The following COG6 variants were observed in gnomAD, a reference collection of about 807,000 sequenced individuals.
COG6 encodes the protein component of oligomeric golgi complex 6, also known as conserved oligomeric Golgi complex subunit 6.
COG6 carries 74 observed loss-of-function variants against 88.8 expected under a neutral mutation model. That is an observed-to-expected ratio of 0.83 (90% CI 0.69 to 1.01). The LOEUF (loss-of-function observed/expected upper bound fraction) is 1.01, where lower values mean the gene tolerates loss of function less well. Among genes scored for constraint, COG6 ranks in the 50% least tolerant of loss-of-function variants. The pLI is 0.00. For missense variants in COG6, 800 were observed against 797.9 expected, an observed-to-expected ratio of 1.00 and a Z score of -0.03; for synonymous variants, 286 against 278.7, an observed-to-expected ratio of 1.03 and a Z score of -0.26.
At chr13:39,692,652 G>T (rs1225154911) in intron 11 of COG6, among the ~76,000 whole-genome samples, 1 of 151,888 alleles carries the variant, frequency 6.6e-6, no homozygotes, top group African/African-American at 2.4e-5. Flanking sequence ...TCTTTCTCTT[G>T]CTCTCGCTTT....
chr13:39,687,442 T>C, intron 8 of COG6, 61 bp from the exon 9 acceptor site: 1 of 1,461,818 alleles, frequency 6.8e-7, no homozygotes, highest in Non-Finnish European at 9.6e-7. Context: ...ATTGCGTGAA[T>C]AGTCTGATAT....
chr13:39,732,258 C>G (rs1393008041), intron 18 of COG6, among the ~76,000 whole-genome samples: 2 of 152,162 alleles, frequency 1.3e-5, no homozygotes, highest in Non-Finnish European at 1.5e-5. Flanking sequence ...AGCTTAAAAT[C>G]AAGCCTCTAA....
chr13:39,740,939 G>C (rs565242316), intron 18 of COG6, among the ~76,000 whole-genome samples: 13 of 152,142 alleles, frequency 8.5e-5, no homozygotes, highest in Admixed American at 5.9e-4. Flanking sequence ...CAATTTTAGT[G>C]ATCACAGAAT....
At chr13:39,687,208 CTT>C (rs1384427019) in intron 8 of COG6, among the ~76,000 whole-genome samples, 1 of 152,082 alleles carries the variant, frequency 6.6e-6, no homozygotes, top group Non-Finnish European at 1.5e-5. Context: ...GATTTTCCTA[CTT>C]TTACTAAGTC....
chr13:39,675,011 A>C (rs1365306466), intron 4 of COG6, among the ~76,000 whole-genome samples: 1 of 152,122 alleles, frequency 6.6e-6, no homozygotes, highest in African/African-American at 2.4e-5. Flanking sequence ...AAAATGCCTT[A>C]TGGATCATTT....
At chr13:39,664,625 A>G (rs1446223212) in intron 3 of COG6, among the ~76,000 whole-genome samples, 3 of 152,234 alleles carry the variant, frequency 2.0e-5, no homozygotes, top group Non-Finnish European at 4.4e-5. Flanking sequence ...CCAAAAACTT[A>G]TATGGCAGGT....
chr13:39,724,178 A>G (rs1282761314), intron 16 of COG6, among the ~76,000 whole-genome samples: 2 of 152,010 alleles, frequency 1.3e-5, no homozygotes, highest in African/African-American at 4.8e-5. Flanking sequence ...TGTACTTTCT[A>G]AAAGTATCAA....
At chr13:39,680,139 A>G in intron 7 of COG6, 94 bp downstream of exon 7, 1 of 727,826 alleles carries the variant, frequency 1.4e-6, no homozygotes, top group Non-Finnish European at 2.4e-6. Flanking sequence ...TTTTGATTTT[A>G]GTAATCAAAC....
chr13:39,707,503 C>T (rs1878007208), intron 13 of COG6, among the ~76,000 whole-genome samples: 2 of 152,144 alleles, frequency 1.3e-5, no homozygotes, highest in South Asian at 4.1e-4. Flanking sequence ...TTTGCATATG[C>T]TCATTAGCTA....
intron 18 of COG6, among the ~76,000 whole-genome samples, chr13:39,784,332 T>A (rs565024422): frequency 8.1e-4 from 123 of 152,300 alleles, no homozygotes; most frequent in African/African-American, 2.5e-3. Context: ...GAGTGGTGGA[T>A]TCTAGATTAG....
At chr13:39,760,646 A>C (rs1408616789) in intron 18 of COG6, among the ~76,000 whole-genome samples, 2 of 152,116 alleles carry the variant, frequency 1.3e-5, no homozygotes, top group Non-Finnish European at 2.9e-5. Flanking sequence ...GTGCAAACAC[A>C]CTACTATGAT....
At position 39,694,629 on chromosome 13, in the gene COG6, A is replaced by G; in HGVS notation, c.1075-5A>G. The G allele has an allele frequency of 6.4e-7, 1 of 1,551,376 alleles. No individual in the cohort carries two copies. The highest frequency in any genetic ancestry group is 8.9e-7 in the Non-Finnish European group (1 of 1,125,356). ...TGTTTACTTTCCTCTCACATATTTT[A>G]ATAGGTTCGAATTGAGCAAGTAATA... On this transcript the variant is annotated splice_region_variant and splice_polypyrimidine_tract_variant and intron_variant, in intron 11 of 18. Transcript: ENST00000455146.
At chr13:39,727,582 A>T in intron 18 of COG6, 34 bp downstream of exon 18, 2 of 1,415,928 alleles carry the variant, frequency 1.4e-6, no homozygotes, top group South Asian at 2.3e-5. Flanking sequence ...GTTGGTAAAG[A>T]TTCACATATT....
chr13:39,680,424 T>A (rs1262835682), intron 7 of COG6, among the ~76,000 whole-genome samples: 1 of 152,228 alleles, frequency 6.6e-6, no homozygotes, highest in African/African-American at 2.4e-5. Flanking sequence ...TGTAAAGTTG[T>A]AAGTGGTAAA....
chr13:39,663,271 T>C (rs192051288), intron 3 of COG6, among the ~76,000 whole-genome samples: 4 of 152,128 alleles, frequency 2.6e-5, no homozygotes, highest in Non-Finnish European at 5.9e-5. Flanking sequence ...CAAATTCTTA[T>C]TATATAACAT....
At chr13:39,729,853 A>C (rs913427886) in intron 18 of COG6, among the ~76,000 whole-genome samples, 5 of 152,176 alleles carry the variant, frequency 3.3e-5, no homozygotes, top group African/African-American at 9.7e-5. Context: ...CTCTTCTAAA[A>C]TTTTATTTTT....
At chr13:39,661,998 A>G (rs1413435580) in intron 3 of COG6, among the ~76,000 whole-genome samples, 1 of 151,764 alleles carries the variant, frequency 6.6e-6, no homozygotes, top group East Asian at 1.9e-4. Context: ...TTTAATTTGT[A>G]TCCTTAATTA....
intron 14 of COG6, 113 bp from the exon 15 acceptor site, chr13:39,719,547 T>C (rs1323945185): frequency 1.7e-6 from 2 of 1,207,592 alleles, no homozygotes; most frequent in African/African-American, 3.0e-5. Flanking sequence ...AATCTTTTCC[T>C]ACGTGCTTCT....
At chr13:39,711,822 T>C (rs548712739) in intron 13 of COG6, among the ~76,000 whole-genome samples, 4 of 152,240 alleles carry the variant, frequency 2.6e-5, no homozygotes, top group South Asian at 4.1e-4. Flanking sequence ...AAAATATGAG[T>C]GTACACACAC....
Sources: allele counts gnomAD v4.1 joint callset (sites outside exome capture counted in the v4.1 genomes callset), GRCh38; gene constraint gnomAD v4.1.1; transcripts MANE v1.5; gene names NCBI Gene and HGNC (gene_info 2026-07-23, HGNC 2026-07-21).